Variants in SNX1 observed in about 807,000 individuals in gnomAD.
SNX1 encodes the protein sorting nexin 1.
Under a neutral mutation model 71.8 loss-of-function variants are expected in SNX1, and 36 were observed. The observed-to-expected ratio is 0.50, with a 90% CI of 0.38 to 0.66. SNX1 has a LOEUF of 0.66. Ranked by LOEUF, SNX1 falls within the 30% of genes least tolerant of loss-of-function variation. SNX1 has a pLI of 0.00. For synonymous variants in SNX1, 254 were observed against 240.7 expected, an observed-to-expected ratio of 1.06 and a Z score of -0.51; for missense variants, 612 against 646.7, an observed-to-expected ratio of 0.95 and a Z score of 0.58.
rs1238745065 is a variant in SNX1 at position 64,123,554 on chromosome 15, C to T, written c.510+8C>T. 6.2e-7 allele frequency: 1 copy of T among 1,612,126 alleles called. No individual in the cohort carries two copies. Among genetic ancestry groups the T allele is most frequent in the Middle Eastern group, 1.7e-4 (1 of 6,060 alleles). ...TACAAAGTTACAACACAGGTGAGTC[C>T]AGGTGACCCTGCTGATGACCATCTT... On this transcript the variant is annotated splice_region_variant and intron_variant, in intron 5 of 14. Coordinates refer to ENST00000559844, the MANE Select transcript of SNX1 (RefSeq NM_003099.5).
rs1228217655 is a variant in SNX1, at chr15:64,138,090, T to G, written c.*472T>G. On this transcript the variant is annotated 3_prime_UTR_variant, in exon 15 of 15. Transcript: ENST00000559844. ...GTCTGGAATACTCCTAACCAAGAAGTTGCCCAGGTATAGTAAGTTTTTCTC... is the reference window on the plus strand; with the variant it reads ...GTCTGGAATACTCCTAACCAAGAAGGTGCCCAGGTATAGTAAGTTTTTCTC... The G allele has an allele frequency of 1.3e-6, 2 of 1,535,924 alleles. No homozygotes were observed. Among genetic ancestry groups the G allele is most frequent in the East Asian group, 4.9e-5 (2 of 40,912 alleles).
chr15:64,096,130 C>A lies in SNX1; in HGVS notation c.117C>A (p.Ser39Arg). 8 of 1,555,918 alleles carry A rather than the reference C, an allele frequency of 5.1e-6. No individual in the cohort carries two copies. Among genetic ancestry groups the A allele is most frequent in the Non-Finnish European group, 7.0e-6 (8 of 1,150,450 alleles). Reference protein sequence around the residue: ...AGGSEPEAGDSDTEGEDIFTG... With the variant: ...AGGSEPEAGDRDTEGEDIFTG... ...GATCAGAACCCGAGGCTGGGGACAG[C>A]GACACCGAGGGGGAGGACATTTTCA... Residue 39 changes from serine to arginine, a missense_variant, in exon 1 of 15, where the codon AGC becomes AGA. Physicochemically the swap from Ser to Arg is moderately radical, Grantham distance 110 (BLOSUM62 -1). Coordinates refer to ENST00000559844, the MANE Select transcript of SNX1 (RefSeq NM_003099.5).
intron 1 of SNX1, among the ~76,000 whole-genome samples, chr15:64,107,745 GA>G (rs71287033): frequency 3.6e-4 from 52 of 145,400 alleles, no homozygotes; most frequent in African/African-American, 8.8e-4. Context: ...CTGCGAAAAG[GA>G]AAAAAAAAAA....
chr15:64,130,385 C>A, intron 10 of SNX1, 64 bp downstream of exon 10: 1 of 1,273,084 alleles, frequency 7.9e-7, no homozygotes, highest in Non-Finnish European at 1.1e-6. Context: ...ACTGGAGATG[C>A]GAGGGCATGC....
chr15:64,126,311 A>G (rs1248064712), intron 6 of SNX1, 91 bp downstream of exon 6: 5 of 1,307,510 alleles, frequency 3.8e-6, no homozygotes, highest in Non-Finnish European at 2.1e-6. Context: ...GACTACTTCT[A>G]TTAACAGTCT....
At chr15:64,108,861 G>T (rs761852292) in intron 1 of SNX1, among the ~76,000 whole-genome samples, 1 of 151,624 alleles carries the variant, frequency 6.6e-6, no homozygotes, top group East Asian at 1.9e-4. Context: ...GGTGGTGGGC[G>T]CCCATAATCC....
chr15:64,100,492 G>A (rs554689151), intron 1 of SNX1, among the ~76,000 whole-genome samples: 14 of 151,766 alleles, frequency 9.2e-5, no homozygotes, highest in African/African-American at 3.4e-4. Context: ...CCCAGCTGCT[G>A]TGGAGGCTGA....
intron 10 of SNX1, 123 bp from the exon 11 acceptor site, chr15:64,131,564 A>G (rs2081307054): frequency 1.2e-6 from 1 of 824,402 alleles, no homozygotes; most frequent in Non-Finnish European, 1.9e-6. Context: ...ACTGGGTTGC[A>G]GAGCCCTCAG....
intron 5 of SNX1, among the ~76,000 whole-genome samples, chr15:64,124,376 A>C (rs141877294): frequency 0.012 from 1,808 of 151,494 alleles, 35 homozygotes; most frequent in African/African-American, 0.042. Context: ...GCATGGTGGC[A>C]GGCACCTGTA....
intron 11 of SNX1, 53 bp downstream of exon 11, chr15:64,131,945 T>C: frequency 6.3e-7 from 1 of 1,580,742 alleles, no homozygotes; most frequent in Non-Finnish European, 8.7e-7. Context: ...TTGTTTTTCC[T>C]TTGCTGGTCC....
Position 64,134,870 on chromosome 15 carries a change from A to C in SNX1, c.1365+63A>C. ...CTGGTTCCAAATGAACCCAGGGCCCATCCCACCCAGAGGTTTGGAACCCCA... is the reference window on the plus strand; with the variant it reads ...CTGGTTCCAAATGAACCCAGGGCCCCTCCCACCCAGAGGTTTGGAACCCCA... On this transcript the variant is annotated intron_variant, in intron 12 of 14. Coordinates refer to ENST00000559844, the MANE Select transcript of SNX1 (RefSeq NM_003099.5). The surrounding 1 kb of genome is among the most constrained non-coding windows in gnomAD (Gnocchi z 4.1). 6.3e-7 allele frequency: 1 copy of C among 1,589,628 alleles called. No individual in the cohort carries two copies. The highest frequency in any genetic ancestry group is 8.6e-7 in the Non-Finnish European group (1 of 1,167,566).
chr15:64,131,589 G>A, intron 10 of SNX1, 98 bp from the exon 11 acceptor site: 2 of 1,118,526 alleles, frequency 1.8e-6, no homozygotes, highest in South Asian at 2.8e-5. Flanking sequence ...CAGATATGCA[G>A]TGGGCGGCAT....
intron 12 of SNX1, among the ~76,000 whole-genome samples, chr15:64,135,795 G>A (rs1401679153): frequency 1.3e-5 from 2 of 148,860 alleles, no homozygotes; most frequent in African/African-American, 2.5e-5. Context: ...GATGGCACAC[G>A]CCTGTAGTCC....
intron 5 of SNX1, among the ~76,000 whole-genome samples, chr15:64,124,769 A>G (rs1378222790): frequency 1.3e-5 from 2 of 152,160 alleles, no homozygotes; most frequent in African/African-American, 4.8e-5. Context: ...GGTCATAGGT[A>G]CTGCAAATAT....
At chr15:64,109,834 C>T (rs887190098) in intron 1 of SNX1, among the ~76,000 whole-genome samples, 4 of 152,172 alleles carry the variant, frequency 2.6e-5, no homozygotes, top group Admixed American at 6.5e-5. Flanking sequence ...CTGCACCCAG[C>T]GCAAAGATTT....
At chr15:64,107,896 A>T (rs1436922556) in intron 1 of SNX1, among the ~76,000 whole-genome samples, 3 of 152,152 alleles carry the variant, frequency 2.0e-5, no homozygotes, top group African/African-American at 4.8e-5. Context: ...GGAGTTTTTT[A>T]AAAATATGGG....
rs2081411099 is a variant in SNX1, at chr15:64,141,151, T to C, written c.*3533T>C. ...GATGCTTTGAGACCAGCCCTGTAGG[T>C]TTATTCCAGTCTGCCCCCTTTTCCA... On this transcript the variant is annotated 3_prime_UTR_variant, in exon 15 of 15. Coordinates refer to ENST00000559844, the MANE Select transcript of SNX1 (RefSeq NM_003099.5). This position sits in a 1 kb window ranked among gnomAD's most constrained non-coding sequence, Gnocchi z 5.1. 6.6e-6 allele frequency: 1 copy of C among 152,186 alleles called. No homozygotes were observed. The highest frequency in any genetic ancestry group is 2.4e-5 in the African/African-American group (1 of 41,436). 9.4% of individuals were successfully genotyped at this position (152,186 alleles called of 1,614,324 possible).
chr15:64,118,567 C>G (rs2081157227), intron 3 of SNX1, among the ~76,000 whole-genome samples: 1 of 152,144 alleles, frequency 6.6e-6, no homozygotes, highest in African/African-American at 2.4e-5. Context: ...TCATTGTCAT[C>G]AAAATAAGAT....
In SNX1 at chr15:64,140,617, C is replaced by T. The variant is rs927310404; in HGVS notation, c.*2999C>T. 1.3e-5 allele frequency: 2 copies of T among 152,234 alleles called. No individual in the cohort carries two copies. The highest frequency in any genetic ancestry group is 4.8e-5 in the African/African-American group (2 of 41,556). 9.4% of individuals were successfully genotyped at this position (152,234 alleles called of 1,614,324 possible). On this transcript the variant is annotated 3_prime_UTR_variant, in exon 15 of 15. Transcript: ENST00000559844. ...ACTATTTTTGAGACAGAGTCTCGCT[C>T]TTGTCGCCCAGGCTGGATTGCAATG...
Sources: allele counts gnomAD v4.1 joint callset (sites outside exome capture counted in the v4.1 genomes callset), GRCh38; gene constraint gnomAD v4.1.1; non-coding constraint Gnocchi (gnomAD v3.1); transcripts MANE v1.5; gene names NCBI Gene and HGNC (gene_info 2026-07-23, HGNC 2026-07-21).